Variants in RGL3 observed in about 807,000 individuals in gnomAD.
RGL3 encodes ral guanine nucleotide dissociation stimulator-like 3.
A neutral mutation model predicts 90.6 loss-of-function variants in RGL3; 85 were observed. The ratio of observed to expected loss-of-function variants is 0.94; its 90% CI spans 0.79 to 1.12. RGL3 has a LOEUF of 1.12. Among genes scored for constraint, RGL3 ranks in the 50% most tolerant of loss-of-function variants. The probability of loss-of-function intolerance (pLI) is 0.00; values close to 1 mark genes in which losing one functional copy is unlikely to be tolerated. For synonymous variants in RGL3, 408 were observed against 385.5 expected, an observed-to-expected ratio of 1.06 and a Z score of -0.68; for missense variants, 1,034 against 939.2, an observed-to-expected ratio of 1.10 and a Z score of -1.32.
At chr19:11,416,216 CTTTT>C (rs143904966) in intron 4 of RGL3, 68 bp from the exon 5 acceptor site, 46,451 of 616,678 alleles carry the variant, frequency 0.075, 283 homozygotes, top group East Asian at 0.095. Context: ...CTCCTGGTAC[CTTTT>C]TTTTTTTTTT....
intron 12 of RGL3, 32 bp from the exon 13 acceptor site, chr19:11,402,164 G>GGGCCCCCCCCCCCC: frequency 6.3e-7 from 1 of 1,585,726 alleles, no homozygotes; most frequent in Non-Finnish European, 8.6e-7. Flanking sequence ...CCCTACCCCT[G>GGGCCCCCCCCCCCC]CCCCACCCCC....
In RGL3 at chr19:11,405,224, G is replaced by T; in HGVS notation, c.1108C>A (p.Leu370Ile). Residue 370 changes from leucine (L) to isoleucine (I), a missense_variant, in exon 9 of 19, where the codon CTA becomes ATA. Leu to Ile is a conservative substitution (Grantham distance 5). Coordinates refer to ENST00000380456, the MANE Select transcript of RGL3 (RefSeq NM_001035223.4). Reference protein sequence around the residue: ...RSWGAVSREPLSTFRKLSQIF... With the variant: ...RSWGAVSREPISTFRKLSQIF... Reference sequence around the variant, plus strand: ...TGCGAAAGTTTCCTGAAAGTAGATAGCGGTTCCCTGGAAGGACAGGAGAAG... The same window carrying T: ...TGCGAAAGTTTCCTGAAAGTAGATATCGGTTCCCTGGAAGGACAGGAGAAG... 1 of 1,614,120 alleles carries T rather than the reference G, an allele frequency of 6.2e-7. No individual in the cohort carries two copies.
chr19:11,416,675 G>A lies in RGL3; in HGVS notation c.372-8C>T, dbSNP rs368507857. ...GTCTTCTTGATCTCTACCCTGGGAA[G>A]AGGCCCCCCAGCAGGTGAAGAAGGG... On this transcript the variant is annotated splice_region_variant and splice_polypyrimidine_tract_variant and intron_variant, in intron 3 of 18. Coordinates refer to ENST00000380456, the MANE Select transcript of RGL3 (RefSeq NM_001035223.4). The A allele has an allele frequency of 3.8e-5, 62 of 1,613,960 alleles. No individual in the cohort carries two copies. Among genetic ancestry groups the A allele is most frequent in the Non-Finnish European group, 5.2e-5 (61 of 1,179,970 alleles).
rs1465265066 is a variant in RGL3 at position 11,396,130 on chromosome 19, C to CTA, written c.2014+1113_2014+1114insTA. On this transcript the variant is annotated intron_variant, in intron 18 of 18. Coordinates refer to ENST00000380456, the MANE Select transcript of RGL3 (RefSeq NM_001035223.4). ...TCTCTCTCTCTCTCTCTCTCTCTCT[C>CTA]TCTCTCTATATATATATATATATAT... Among the ~76,000 whole-genome samples, 444 of 49,098 alleles carry CTA rather than the reference C, an allele frequency of 9.0e-3. 2 individuals carry two copies. Among genetic ancestry groups the CTA allele is most frequent in the Non-Finnish European group, 0.014 (356 of 26,214 alleles). 32.2% of individuals were successfully genotyped at this position (49,098 alleles called of 152,430 possible).
At chr19:11,395,618 C>T (rs317920) in intron 18 of RGL3, among the ~76,000 whole-genome samples, 4,215 of 152,132 alleles carry the variant, frequency 0.028, 195 homozygotes, top group African/African-American at 0.095. Context: ...CTCACTCGAC[C>T]CTAGACAATC....
chr19:11,394,593 T>G, intron 18 of RGL3, 73 bp from the exon 19 acceptor site: 1 of 1,139,092 alleles, frequency 8.8e-7, no homozygotes, highest in East Asian at 2.4e-5. Context: ...CCCGGGAGCC[T>G]CCTGCCACTC....
intron 18 of RGL3, among the ~76,000 whole-genome samples, chr19:11,395,622 G>A (rs1968551256): frequency 6.6e-6 from 1 of 152,006 alleles, no homozygotes; most frequent in East Asian, 1.9e-4. Context: ...CTCGACCCTA[G>A]ACAATCTATT....
At position 11,402,011 on chromosome 19, in the gene RGL3, C is replaced by G. The variant is rs1244774881; in HGVS notation, c.1484G>C (p.Ser495Thr). 6.5e-7 allele frequency: 1 copy of G among 1,544,090 alleles called. No individual in the cohort carries two copies. The highest frequency in any genetic ancestry group is 2.0e-5 in the Admixed American group (1 of 50,786). ...CTGGGACAGGCTACAGGGTGGTCAC[C>G]TCTGCTCCTCGGTGAGCTGGTTCTG... ...HAQNQLTEEQSYRLSRVIEPP... is the reference protein window; with the variant it reads ...HAQNQLTEEQTYRLSRVIEPP... Residue 495 changes from serine to threonine, a missense_variant and splice_region_variant, in exon 13 of 19, where the codon AGC becomes ACC. Physicochemically the swap from Ser to Thr is moderately conservative, Grantham distance 58 (BLOSUM62 1). Coordinates refer to ENST00000380456, the MANE Select transcript of RGL3 (RefSeq NM_001035223.4).
In RGL3 at chr19:11,399,957, G is replaced by A; in HGVS notation, c.1650-6C>T. 6.4e-7 allele frequency: 1 copy of A among 1,568,038 alleles called. No homozygotes were observed. Among genetic ancestry groups the A allele is most frequent in the Non-Finnish European group, 8.6e-7 (1 of 1,161,322 alleles). Reference sequence around the variant, plus strand: ...GGGGTGACCCTGGGGACACACTGGGGGAGATGCAGAGGCTGAGGTGGGGTG... The same window carrying A: ...GGGGTGACCCTGGGGACACACTGGGAGAGATGCAGAGGCTGAGGTGGGGTG... On this transcript the variant is annotated splice_region_variant and splice_polypyrimidine_tract_variant and intron_variant, in intron 15 of 18. Transcript: ENST00000380456.
chr19:11,400,954 G>A (rs1004178650), intron 13 of RGL3, among the ~76,000 whole-genome samples: 1 of 151,990 alleles, frequency 6.6e-6, no homozygotes, highest in Non-Finnish European at 1.5e-5. Flanking sequence ...TCAATGGTTA[G>A]GGTCACAGTT....
At position 11,405,162 on chromosome 19, in the gene RGL3, T is replaced by C; in HGVS notation, c.1170A>G (p.Arg390=). Residue 390 remains arginine (R), a synonymous_variant, in exon 9 of 19, where the codon AGA becomes AGG. Transcript: ENST00000380456. ...FSDENNHLSS[R]EILFQEEATE... Reference sequence around the variant, plus strand: ...CCATCTCTACCTGGAAAAGAATCTCTCTGCTGCTGAGGTGGTTGTTCTCAT... The same window carrying C: ...CCATCTCTACCTGGAAAAGAATCTCCCTGCTGCTGAGGTGGTTGTTCTCAT... The C allele has an allele frequency of 2.5e-6, 4 of 1,614,008 alleles. No individual in the cohort carries two copies. The South Asian group carries it at 4.4e-5, about 18-fold the overall frequency.
In RGL3 at chr19:11,410,220, C is replaced by T. The variant is rs144541918; in HGVS notation, c.638-3356G>A. On this transcript the variant is annotated intron_variant, in intron 5 of 18. Coordinates refer to ENST00000380456, the MANE Select transcript of RGL3 (RefSeq NM_001035223.4). ...TTCACCATGTTGGCCGGACTGGTCTCGAACTCCTGACCTCAGGTGATCCTC... is the reference window on the plus strand; with the variant it reads ...TTCACCATGTTGGCCGGACTGGTCTTGAACTCCTGACCTCAGGTGATCCTC... 3.5e-3 allele frequency among the ~76,000 whole-genome samples: 523 copies of T among 151,016 alleles called. 5 individuals are homozygous for T. In the East Asian group the frequency reaches 0.041, roughly 12 times the overall value.
intron 3 of RGL3, 71 bp from the exon 4 acceptor site, chr19:11,416,738 T>C: frequency 6.3e-7 from 1 of 1,593,376 alleles, no homozygotes; most frequent in Non-Finnish European, 8.6e-7. Flanking sequence ...GCTCTGGGTC[T>C]GGGAGGTGTT....
rs761249988 is a variant in RGL3, at chr19:11,416,637, A to T, written c.402T>A (p.Asp134Glu). The change falls in exon 4 of 19, where the codon GAT becomes GAA. Residue 134 changes from aspartate to glutamate, a missense_variant. Physicochemically the swap from Asp to Glu is conservative, Grantham distance 45. Coordinates refer to ENST00000380456, the MANE Select transcript of RGL3 (RefSeq NM_001035223.4). ...ACCTCAGGTTCTTGTTGAAGCTCAG[A>T]TCTTGTACCGCTGTCTTCTTGATCT... ...GVEIKKTAVQ[D>E]LSFNKNLRAV... The T allele has an allele frequency of 2.5e-6, 4 of 1,613,956 alleles. No individual in the cohort carries two copies. The African/African-American group carries it at 5.3e-5, about 22-fold the overall frequency.
At chr19:11,394,678 C>G (rs1486072066) in intron 18 of RGL3, 158 bp from the exon 19 acceptor site, 1 of 614,446 alleles carries the variant, frequency 1.6e-6, no homozygotes, top group Non-Finnish European at 3.0e-6. Context: ...TCACTGGGAA[C>G]CTGGACGACT....
chr19:11,397,414 C>T lies in RGL3; in HGVS notation c.1899+31G>A, dbSNP rs1599428780. ...GGCCCCGGCCCCAAGGGCAGGGCAG[C>T]CTCCAGCAGACCCCCAGCCCAGCCC... is the stretch of plus-strand genomic sequence containing the variant. On this transcript the variant is annotated intron_variant, in intron 17 of 18. Transcript: ENST00000380456. The T allele has an allele frequency of 2.5e-6, 4 of 1,590,306 alleles. No individual in the cohort carries two copies. In the East Asian group the frequency reaches 9.0e-5, roughly 36 times the overall value.
intron 5 of RGL3, among the ~76,000 whole-genome samples, chr19:11,410,063 T>C (rs1213888758): frequency 6.6e-6 from 1 of 151,834 alleles, no homozygotes; most frequent in Non-Finnish European, 1.5e-5. Flanking sequence ...CTCAGCCTCC[T>C]GAGCAACTGG....
chr19:11,395,000 G>A (rs1168226804), intron 18 of RGL3, among the ~76,000 whole-genome samples: 1 of 151,782 alleles, frequency 6.6e-6, no homozygotes, highest in Admixed American at 6.6e-5. Flanking sequence ...GGCTGAGGCA[G>A]GAGAATCTCT....
Position 11,402,438 on chromosome 19 carries a change from A to AGGGTCAG in RGL3, c.1329+10_1329+16dup, listed in dbSNP as rs1968695965. 1 of 1,595,368 alleles carries AGGGTCAG rather than the reference A, an allele frequency of 6.3e-7. No homozygotes were observed. The highest frequency in any genetic ancestry group is 1.1e-5 in the South Asian group (1 of 89,158). ...CAAGTGGAGCTGGGGTCAGGGGTCA[A>AGGGTCAG]GGGTCAGGGGTCAGACCTCCAACAT... On this transcript the variant is annotated intron_variant, in intron 11 of 18. Coordinates refer to ENST00000380456, the MANE Select transcript of RGL3 (RefSeq NM_001035223.4).
Sources: gnomAD v4.1 joint callset for allele counts (sites outside exome capture counted in the v4.1 genomes callset) on GRCh38, gnomAD v4.1.1 for gene constraint, MANE v1.5 for transcripts, NCBI Gene and HGNC (gene_info 2026-07-23, HGNC 2026-07-21) for gene names.